Variants in ANKRD22 observed in about 807,000 individuals in gnomAD.
ANKRD22 encodes the protein ankyrin repeat domain 22.
A neutral mutation model predicts 25.7 loss-of-function variants in ANKRD22; 24 were observed. The observed-to-expected ratio is 0.93, with a 90% confidence interval of 0.68 to 1.31. The LOEUF (loss-of-function observed/expected upper bound fraction) is 1.31, where lower values mean the gene tolerates loss of function less well. ANKRD22 is among the 50% of genes most tolerant of loss of function. ANKRD22 has a pLI of 0.00. For missense variants in ANKRD22, 214 were observed against 227.1 expected (o/e 0.94, Z 0.37); for synonymous variants, 84 against 84.3 (o/e 1.00, Z 0.02).
At chr10:88,847,367 T>G (rs915383097) in intron 1 of ANKRD22, among the ~76,000 whole-genome samples, 3 of 152,146 alleles carry the variant, frequency 2.0e-5, no homozygotes, top group Admixed American at 6.5e-5. Context: ...CAAGCAATTT[T>G]CCTGCCTCAG....
chr10:88,836,302 T>C (rs1400074539), intron 1 of ANKRD22, among the ~76,000 whole-genome samples: 1 of 152,222 alleles, frequency 6.6e-6, no homozygotes, highest in African/African-American at 2.4e-5. Context: ...TTCATCATTG[T>C]ACCCCCATAA....
intron 1 of ANKRD22, among the ~76,000 whole-genome samples, chr10:88,833,741 G>A (rs2133074815): frequency 6.6e-6 from 1 of 152,324 alleles, no homozygotes; most frequent in African/African-American, 2.4e-5. Context: ...TGGGCTTTAA[G>A]TTTCACTAGA....
chr10:88,827,945 A>C (rs535089084), intron 3 of ANKRD22, among the ~76,000 whole-genome samples: 118 of 152,326 alleles, frequency 7.7e-4, no homozygotes, highest in African/African-American at 2.7e-3. Flanking sequence ...GGGAAAAAAA[A>C]CCAAAAACCA....
At chr10:88,847,068 A>G (rs184200673) in intron 1 of ANKRD22, among the ~76,000 whole-genome samples, 74 of 152,260 alleles carry the variant, frequency 4.9e-4, no homozygotes, top group African/African-American at 1.7e-3. Flanking sequence ...CATGATCAGC[A>G]TACCATTAAG....
At chr10:88,837,206 T>C (rs1433246359) in intron 1 of ANKRD22, among the ~76,000 whole-genome samples, 1 of 152,198 alleles carries the variant, frequency 6.6e-6, no homozygotes, top group Non-Finnish European at 1.5e-5. Context: ...TTTGGACAAG[T>C]TACCTAGACT....
chr10:88,836,113 A>C lies in ANKRD22; in HGVS notation c.22-4087T>G, dbSNP rs1441732. Reference sequence around the variant, plus strand: ...ATTCTCACCAAGACTATTGCACACAATTCTTTCAATCTCACGTGTTCCATA... The same window carrying C: ...ATTCTCACCAAGACTATTGCACACACTTCTTTCAATCTCACGTGTTCCATA... On this transcript the variant is annotated intron_variant, in intron 1 of 5. Coordinates refer to ENST00000371930, the MANE Select transcript of ANKRD22 (RefSeq NM_144590.3). Among the ~76,000 whole-genome samples, 1,124 of 152,248 alleles carry C rather than the reference A, an allele frequency of 7.4e-3. 13 individuals are homozygous for C. The highest frequency in any genetic ancestry group is 0.052 in the East Asian group (268 of 5,186).
intron 1 of ANKRD22, among the ~76,000 whole-genome samples, chr10:88,842,166 A>G (rs1844008713): frequency 6.6e-6 from 1 of 152,178 alleles, no homozygotes. Flanking sequence ...AAAAAATAAC[A>G]GTAAAAAGTT....
Position 88,828,530 on chromosome 10 carries a change from G to T in ANKRD22, c.321+29C>A, listed in dbSNP as rs747376246. ...AGTCACACCATCGATCTCCACATTT[G>T]CCCTTTGCTCTACAAGTGTTGTACT... is the stretch of plus-strand genomic sequence containing the variant. On this transcript the variant is annotated intron_variant, in intron 3 of 5. Transcript: ENST00000371930. 2.7e-6 allele frequency: 4 copies of T among 1,478,574 alleles called. No individual in the cohort carries two copies. In the East Asian group the frequency reaches 9.1e-5, roughly 34 times the overall value. 91.6% of individuals were successfully genotyped at this position (1,478,574 alleles called of 1,614,324 possible). A position where few individuals can be genotyped will look rare whatever the true frequency, so the allele number is the denominator to read the frequency against.
intron 1 of ANKRD22, among the ~76,000 whole-genome samples, chr10:88,846,485 TA>T (rs1434833434): frequency 6.6e-6 from 1 of 152,134 alleles, no homozygotes; most frequent in Non-Finnish European, 1.5e-5. Context: ...AGAATAAGCA[TA>T]AAAGTTGTCA....
At chr10:88,827,035 C>T (rs565241131) in intron 3 of ANKRD22, among the ~76,000 whole-genome samples, 70 of 152,270 alleles carry the variant, frequency 4.6e-4, no homozygotes, top group African/African-American at 1.7e-3. Flanking sequence ...AGCTTCTGAC[C>T]ACAAGCCTGT....
At chr10:88,832,443 C>T (rs200464784) in intron 1 of ANKRD22, among the ~76,000 whole-genome samples, 1 of 146,162 alleles carries the variant, frequency 6.8e-6, no homozygotes, top group Non-Finnish European at 1.5e-5. Context: ...TTACTAAAGA[C>T]AAAATACCTT....
chr10:88,820,581 G>T lies in ANKRD22; in HGVS notation c.*2360C>A. ...CATGAAGGCAGAATTACGGAGAGCA[G>T]AGACCTAGTATACATTTTTCAGATT... is the stretch of plus-strand genomic sequence containing the variant. On this transcript the variant is annotated 3_prime_UTR_variant, in exon 6 of 6. Coordinates refer to ENST00000371930, the MANE Select transcript of ANKRD22 (RefSeq NM_144590.3). The T allele has an allele frequency of 7.4e-7, 1 of 1,344,092 alleles. No homozygotes were observed. The highest frequency in any genetic ancestry group is 1.0e-6 in the Non-Finnish European group (1 of 1,003,064). The allele number at this position is 1,344,092 out of a possible 1,614,324, so 83.3% of individuals were successfully genotyped here. A position where few individuals can be genotyped will look rare whatever the true frequency, so the allele number is the denominator to read the frequency against.
intron 1 of ANKRD22, among the ~76,000 whole-genome samples, chr10:88,847,160 T>G (rs555522299): frequency 2.6e-5 from 4 of 152,310 alleles, no homozygotes; most frequent in East Asian, 1.9e-4. Context: ...TGTGGAATGT[T>G]TTTTTACATT....
intron 2 of ANKRD22, 87 bp downstream of exon 2, chr10:88,831,748 A>C: frequency 7.4e-7 from 1 of 1,349,180 alleles, no homozygotes; most frequent in Non-Finnish European, 9.9e-7. Context: ...CAAGCAATTT[A>C]AAAAATGACA....
intron 3 of ANKRD22, among the ~76,000 whole-genome samples, chr10:88,826,657 T>A (rs536581538): frequency 5.3e-5 from 8 of 152,302 alleles, no homozygotes; most frequent in South Asian, 2.1e-4. Context: ...CCCTCTCTTC[T>A]TTGCCTGGCA....
intron 3 of ANKRD22, among the ~76,000 whole-genome samples, chr10:88,826,513 C>T (rs989295871): frequency 1.4e-4 from 21 of 152,334 alleles, no homozygotes; most frequent in African/African-American, 4.3e-4. Flanking sequence ...TTTGGCTCCA[C>T]GTATGGCCCT....
chr10:88,820,554 C>G lies in ANKRD22; in HGVS notation c.*2387G>C. The G allele has an allele frequency of 2.0e-6, 3 of 1,492,928 alleles. No homozygotes were observed. The highest frequency in any genetic ancestry group is 2.7e-6 in the Non-Finnish European group (3 of 1,116,724). 92.5% of individuals were successfully genotyped at this position (1,492,928 alleles called of 1,614,324 possible). ...AACCTCCTGAGGGATGGGGCTAGGA[C>G]CCATGAAGGCAGAATTACGGAGAGC... On this transcript the variant is annotated 3_prime_UTR_variant, in exon 6 of 6. Coordinates refer to ENST00000371930, the MANE Select transcript of ANKRD22 (RefSeq NM_144590.3).
At chr10:88,841,768 A>G (rs925042657) in intron 1 of ANKRD22, among the ~76,000 whole-genome samples, 2 of 152,276 alleles carry the variant, frequency 1.3e-5, no homozygotes, top group African/African-American at 4.8e-5. Flanking sequence ...TCAGAAGCCT[A>G]ACTTACATAG....
chr10:88,826,319 C>T (rs774943107), intron 3 of ANKRD22, among the ~76,000 whole-genome samples: 13 of 152,148 alleles, frequency 8.5e-5, no homozygotes, highest in Non-Finnish European at 1.9e-4. Context: ...CCTGAAGTAG[C>T]GGCACTGACA....
Sources: allele counts gnomAD v4.1 joint callset (sites outside exome capture counted in the v4.1 genomes callset), GRCh38; gene constraint gnomAD v4.1.1; transcripts MANE v1.5; gene names NCBI Gene and HGNC (gene_info 2026-07-23, HGNC 2026-07-21).